The following OLFM4 variants were observed in gnomAD, a reference collection of about 807,000 sequenced individuals.
OLFM4 encodes the protein olfactomedin 4, also known as olfactomedin-4.
In OLFM4, 22 loss-of-function variants were observed where a neutral mutation model predicts 25.5. That is an observed-to-expected ratio of 0.86 (90% CI 0.62 to 1.23). The LOEUF (loss-of-function observed/expected upper bound fraction) is 1.23. OLFM4 is among the 50% of genes most tolerant of loss of function. The pLI is 0.00. For missense variants in OLFM4, 594 were observed against 619.4 expected (o/e 0.96, Z 0.44); for synonymous variants, 255 against 237.7 (o/e 1.07, Z -0.67).
In OLFM4 at chr13:53,034,444, C is replaced by A. The variant is rs150041092; in HGVS notation, c.301C>A (p.Arg101Ser). ...DTTFPVDRVE[R>S]LEFTAHVLSQ... ...CACCTTTCCCGTGGACAGAGTGGAACGCTTGGAATTCACAGCTCATGTTCT... is the reference window on the plus strand; with the variant it reads ...CACCTTTCCCGTGGACAGAGTGGAAAGCTTGGAATTCACAGCTCATGTTCT... Residue 101 changes from arginine to serine, a missense_variant, in exon 2 of 5, where the codon CGC becomes AGC. Coordinates refer to ENST00000219022, the MANE Select transcript of OLFM4 (RefSeq NM_006418.5). The A allele has an allele frequency of 1.9e-6, 3 of 1,614,010 alleles. No individual in the cohort carries two copies. The highest frequency in any genetic ancestry group is 4.5e-5 in the East Asian group (2 of 44,866).
At chr13:53,041,764 T>C (rs1386505495) in intron 2 of OLFM4, 146 bp from the exon 3 acceptor site, 6 of 602,134 alleles carry the variant, frequency 1.0e-5, no homozygotes, top group Non-Finnish European at 1.8e-5. Context: ...TTTAAAAATC[T>C]AGTTAAATGT....
At chr13:53,045,039 G>A (rs369746084) in intron 4 of OLFM4, among the ~76,000 whole-genome samples, 2 of 152,108 alleles carry the variant, frequency 1.3e-5, no homozygotes, top group African/African-American at 2.4e-5. Flanking sequence ...TAAGAACGCT[G>A]CTTTTCCTGA....
rs1954748121 is a variant in OLFM4 at position 53,051,497 on chromosome 13, C to T, written c.*726C>T. On this transcript the variant is annotated 3_prime_UTR_variant, in exon 5 of 5. Coordinates refer to ENST00000219022, the MANE Select transcript of OLFM4 (RefSeq NM_006418.5). ...GAATCTTCTACCTCATAACTTCCTT[C>T]CAAAGGCAGCTCAGAAGATTAGAAC... 1 of 152,120 alleles carries T rather than the reference C, an allele frequency of 6.6e-6. No individual in the cohort carries two copies. The highest frequency in any genetic ancestry group is 1.5e-5 in the Non-Finnish European group (1 of 68,032). The allele number at this position is 152,120 out of a possible 1,614,324, so 9.4% of individuals were successfully genotyped here.
chr13:53,050,908 G>A lies in OLFM4; in HGVS notation c.*137G>A. 1 of 694,406 alleles carries A rather than the reference G, an allele frequency of 1.4e-6. No individual in the cohort carries two copies. Among genetic ancestry groups the A allele is most frequent in the Non-Finnish European group, 2.3e-6 (1 of 427,902 alleles). 43.0% of individuals were successfully genotyped at this position (694,406 alleles called of 1,614,324 possible). A position where few individuals can be genotyped will look rare whatever the true frequency, so the allele number is the denominator to read the frequency against. On this transcript the variant is annotated 3_prime_UTR_variant, in exon 5 of 5. Transcript: ENST00000219022. ...TTAGGTGCATAGTTCTACCACACTAGAGATCTAGGACATTTGTCTTGATTT... is the reference window on the plus strand; with the variant it reads ...TTAGGTGCATAGTTCTACCACACTAAAGATCTAGGACATTTGTCTTGATTT...
At chr13:53,041,486 A>C (rs150743658) in intron 2 of OLFM4, among the ~76,000 whole-genome samples, 99 of 152,270 alleles carry the variant, frequency 6.5e-4, no homozygotes, top group Admixed American at 1.8e-3. Flanking sequence ...GGGTGAAAGG[A>C]GGGAGAGGAA....
chr13:53,035,836 G>C (rs9568796), intron 2 of OLFM4, among the ~76,000 whole-genome samples: 49,594 of 152,052 alleles, frequency 0.33, 9,613 homozygotes, highest in Middle Eastern at 0.48. Flanking sequence ...GCTGGCTGGA[G>C]CAATGTGACT....
chr13:53,050,621 A>G lies in OLFM4; in HGVS notation c.1383A>G (p.Thr461=), dbSNP rs1954742767. 4.3e-6 allele frequency: 7 copies of G among 1,614,058 alleles called. No homozygotes were observed. The highest frequency in any genetic ancestry group is 5.9e-6 in the Non-Finnish European group (7 of 1,179,980). The change falls in exon 5 of 5, where the codon ACA becomes ACG. Residue 461 remains threonine (T), a synonymous_variant. Transcript: ENST00000219022. ...EEIFYYYDTN[T]GKEGKLDIVM... is the part of the protein sequence containing the mutation. Reference sequence around the variant, plus strand: ...TTTTTTACTATTATGACACAAACACAGGGAAAGAGGGCAAACTAGACATTG... The same window carrying G: ...TTTTTTACTATTATGACACAAACACGGGGAAAGAGGGCAAACTAGACATTG...
intron 1 of OLFM4, among the ~76,000 whole-genome samples, chr13:53,033,237 A>T (rs183475701): frequency 6.6e-6 from 1 of 152,356 alleles, no homozygotes; most frequent in East Asian, 1.9e-4. Context: ...GAATATCTTA[A>T]ATGAACATAA....
Position 53,034,446 on chromosome 13 carries a change from C to G in OLFM4, c.303C>G (p.Arg101=). The change falls in exon 2 of 5, where the codon CGC becomes CGG. Residue 101 remains arginine, a synonymous_variant. Transcript: ENST00000219022. ...CCTTTCCCGTGGACAGAGTGGAACG[C>G]TTGGAATTCACAGCTCATGTTCTTT... ...DTTFPVDRVE[R]LEFTAHVLSQ... 1 of 1,614,066 alleles carries G rather than the reference C, an allele frequency of 6.2e-7. No individual in the cohort carries two copies. The highest frequency in any genetic ancestry group is 8.5e-7 in the Non-Finnish European group (1 of 1,179,990).
At chr13:53,043,346 C>A in intron 4 of OLFM4, 82 bp downstream of exon 4, 5 of 929,030 alleles carry the variant, frequency 5.4e-6, no homozygotes, top group Admixed American at 3.1e-5. Flanking sequence ...TTGGGGATTG[C>A]AATGGTGAAA....
intron 4 of OLFM4, among the ~76,000 whole-genome samples, chr13:53,044,988 A>G (rs1451904644): frequency 6.6e-6 from 1 of 152,198 alleles, no homozygotes; most frequent in Non-Finnish European, 1.5e-5. Flanking sequence ...AGGGCCATCT[A>G]ACTTAGCCTC....
At chr13:53,047,061 C>T (rs12584280) in intron 4 of OLFM4, among the ~76,000 whole-genome samples, 32,819 of 152,154 alleles carry the variant, frequency 0.22, 3,973 homozygotes, top group African/African-American at 0.33. Flanking sequence ...GGTACTGTTG[C>T]TCCTGACAGT....
rs976289733 is a variant in OLFM4, at chr13:53,041,947, A to G, written c.395A>G (p.Lys132Arg). 3 of 1,613,858 alleles carry G rather than the reference A, an allele frequency of 1.9e-6. No individual in the cohort carries two copies. The highest frequency in any genetic ancestry group is 3.3e-5 in the Admixed American group (2 of 59,992). Reference protein sequence around the residue: ...EYVQLISVYEKKLLNLTVRID... With the variant: ...EYVQLISVYERKLLNLTVRID... Reference sequence around the variant, plus strand: ...GTCCAATTAATTAGTGTGTATGAAAAGAAACTGTTAAACCTAACTGTCCGA... The same window carrying G: ...GTCCAATTAATTAGTGTGTATGAAAGGAAACTGTTAAACCTAACTGTCCGA... Residue 132 changes from lysine (K) to arginine (R), a missense_variant, in exon 3 of 5, where the codon AAG (lysine) becomes AGG (arginine). Lys to Arg is a conservative substitution (Grantham distance 26). Transcript: ENST00000219022.
chr13:53,047,169 T>G (rs181272559), intron 4 of OLFM4, among the ~76,000 whole-genome samples: 346 of 152,312 alleles, frequency 2.3e-3, no homozygotes, highest in Admixed American at 6.0e-3. Flanking sequence ...GTTGCCCAAG[T>G]GTCAGGGTGA....
intron 2 of OLFM4, among the ~76,000 whole-genome samples, chr13:53,036,886 G>C (rs1057023281): frequency 9.9e-5 from 15 of 152,178 alleles, no homozygotes; most frequent in Non-Finnish European, 2.2e-4. Context: ...CTCTTGGCTG[G>C]TTAAGCCAGG....
Position 53,050,444 on chromosome 13 carries a change from T to G in OLFM4, c.1206T>G (p.Thr402=). ...TTATTTATTCAACTGAAGCCAGCAC[T>G]GGTAACATGGTGATTAGTAAACTCA... ...LWVIYSTEAS[T]GNMVISKLND... is the part of the protein sequence containing the mutation. Residue 402 remains threonine, a synonymous_variant, in exon 5 of 5, where the codon ACT becomes ACG. Transcript: ENST00000219022. 1 of 1,614,074 alleles carries G rather than the reference T, an allele frequency of 6.2e-7. No individual in the cohort carries two copies. The highest frequency in any genetic ancestry group is 8.5e-7 in the Non-Finnish European group (1 of 1,179,972).
At position 53,050,914 on chromosome 13, in the gene OLFM4, T is replaced by A; in HGVS notation, c.*143T>A. 1.5e-6 allele frequency: 1 copy of A among 679,716 alleles called. No individual in the cohort carries two copies. 42.1% of individuals were successfully genotyped at this position (679,716 alleles called of 1,614,324 possible). On this transcript the variant is annotated 3_prime_UTR_variant, in exon 5 of 5. Coordinates refer to ENST00000219022, the MANE Select transcript of OLFM4 (RefSeq NM_006418.5). ...GCATAGTTCTACCACACTAGAGATC[T>A]AGGACATTTGTCTTGATTTGGTGAG... is the stretch of plus-strand genomic sequence containing the variant.
chr13:53,034,196 GT>G, intron 1 of OLFM4, 151 bp from the exon 2 acceptor site: 1 of 705,354 alleles, frequency 1.4e-6, no homozygotes, highest in Non-Finnish European at 2.3e-6. Context: ...AAACAAAGCT[GT>G]TTTAGCTTGT....
intron 2 of OLFM4, among the ~76,000 whole-genome samples, chr13:53,038,345 A>G (rs1347978060): frequency 2.0e-5 from 3 of 152,140 alleles, no homozygotes; most frequent in African/African-American, 7.2e-5. Flanking sequence ...TGTTCTGATA[A>G]ATGCATCGTT....
Sources: gnomAD v4.1 joint callset for allele counts (sites outside exome capture counted in the v4.1 genomes callset) on GRCh38, gnomAD v4.1.1 for gene constraint, MANE v1.5 for transcripts, NCBI Gene and HGNC (gene_info 2026-07-23, HGNC 2026-07-21) for gene names.